The following DNA2 variants were observed in gnomAD, a reference collection of about 807,000 sequenced individuals.
DNA2 encodes DNA replication ATP-dependent helicase/nuclease DNA2.
In DNA2, 101 loss-of-function variants were observed where a neutral mutation model predicts 119.1. The ratio of observed to expected loss-of-function variants is 0.85; its 90% confidence interval spans 0.72 to 1.00. The LOEUF (loss-of-function observed/expected upper bound fraction) is 1.00, where lower values mean the gene tolerates loss of function less well. DNA2 is among the 50% of genes least tolerant of loss of function. The pLI is 0.00. For synonymous variants in DNA2, 366 were observed against 424.4 expected (o/e 0.86, Z 1.69); for missense variants, 1,121 against 1,255.5 (o/e 0.89, Z 1.62).
intron 7 of DNA2, among the ~76,000 whole-genome samples, chr10:68,445,805 A>G (rs1310864985): frequency 6.6e-6 from 1 of 152,172 alleles, no homozygotes; most frequent in Non-Finnish European, 1.5e-5. Flanking sequence ...TTTCAACTAT[A>G]GAGTATATTA....
intron 6 of DNA2, among the ~76,000 whole-genome samples, chr10:68,448,982 T>TGTAGTAGTTTCACCATGTTGC (rs2052082038): frequency 6.9e-6 from 1 of 144,264 alleles, no homozygotes; most frequent in African/African-American, 2.9e-5. Flanking sequence ...TGTGTGTGTG[T>TGTAGTAGTTTCACCATGTTGC]GTGTAGTAGT....
At chr10:68,430,876 G>A (rs141279262) in intron 13 of DNA2, among the ~76,000 whole-genome samples, 38 of 152,268 alleles carry the variant, frequency 2.5e-4, no homozygotes, top group African/African-American at 9.1e-4. Flanking sequence ...GCTCACACTT[G>A]TAATCCCAGC....
At chr10:68,423,282 T>C (rs1009269983) in intron 14 of DNA2, among the ~76,000 whole-genome samples, 4 of 139,180 alleles carry the variant, frequency 2.9e-5, no homozygotes, top group African/African-American at 1.2e-4. Context: ...CTAGGCATTA[T>C]ATATAAAAAA....
intron 5 of DNA2, among the ~76,000 whole-genome samples, chr10:68,453,014 T>C (rs1002223235): frequency 1.3e-5 from 2 of 151,620 alleles, no homozygotes; most frequent in African/African-American, 2.4e-5. Flanking sequence ...AACTCTCCCA[T>C]TTCAGGCTCC....
At chr10:68,447,089 T>A (rs2133406841) in intron 6 of DNA2, among the ~76,000 whole-genome samples, 1 of 152,266 alleles carries the variant, frequency 6.6e-6, no homozygotes. Flanking sequence ...ATTGCATGCC[T>A]ATATTAAAAT....
chr10:68,428,956 G>T lies in DNA2; in HGVS notation c.2208+1480C>A, dbSNP rs146806963. ...CAAGATGTCACCACTGGATAAAGGG[G>T]ACACAGGCTCTCTCTAGTATTTCTT... On this transcript the variant is annotated intron_variant, in intron 14 of 20. Transcript: ENST00000358410. Among the ~76,000 whole-genome samples the T allele has an allele frequency of 1.3e-3, 205 of 152,176 alleles. 3 individuals are homozygous for T. In the East Asian group the frequency reaches 0.032, roughly 24 times the overall value.
chr10:68,414,168 A>G lies in DNA2; in HGVS notation c.*871T>C, dbSNP rs1295843929. On this transcript the variant is annotated 3_prime_UTR_variant, in exon 21 of 21. Transcript: ENST00000358410. ...TTAACATATTTAACACTCATTAAAA[A>G]AAACCCTCAAGAGAAATGGAAGATT... 6.6e-6 allele frequency: 1 copy of G among 151,980 alleles called. No individual in the cohort carries two copies. Among genetic ancestry groups the G allele is most frequent in the African/African-American group, 2.4e-5 (1 of 41,418 alleles). The allele number at this position is 151,980 out of a possible 1,614,324, so 9.4% of individuals were successfully genotyped here.
intron 1 of DNA2, among the ~76,000 whole-genome samples, 152 bp from the exon 2 acceptor site, chr10:68,470,315 AAG>A (rs1416794096): frequency 2.0e-5 from 3 of 152,246 alleles, no homozygotes; most frequent in Non-Finnish European, 2.9e-5. Flanking sequence ...AGGTAAAATT[AAG>A]AGAGCAAAGA....
intron 2 of DNA2, 24 bp from the exon 3 acceptor site, chr10:68,468,330 T>A (rs756880618): frequency 4.1e-6 from 6 of 1,473,586 alleles, no homozygotes; most frequent in Admixed American, 2.2e-5. Context: ...AAAGTTAAAG[T>A]ATAAATACAT....
rs535117955 is a variant in DNA2 at position 68,442,364 on chromosome 10, G to A, written c.1415+553C>T. On this transcript the variant is annotated intron_variant, in intron 9 of 20. Coordinates refer to ENST00000358410, the MANE Select transcript of DNA2 (RefSeq NM_001080449.3). Reference sequence around the variant, plus strand: ...CTCCTGAGTAGCTGGGATTAAAGGCGCCTGCCACCACGCCCGGCTAATTTT... The same window carrying A: ...CTCCTGAGTAGCTGGGATTAAAGGCACCTGCCACCACGCCCGGCTAATTTT... 3.3e-3 allele frequency among the ~76,000 whole-genome samples: 494 copies of A among 150,660 alleles called. 3 individuals carry two copies. Among genetic ancestry groups the A allele is most frequent in the African/African-American group, 0.011 (467 of 40,946 alleles).
chr10:68,446,489 A>C (rs1189968178), intron 6 of DNA2, 76 bp from the exon 7 acceptor site: 1 of 899,848 alleles, frequency 1.1e-6, no homozygotes, highest in Non-Finnish European at 1.7e-6. Context: ...CAACCAACAC[A>C]TAATTTTAAA....
At chr10:68,441,178 A>C (rs867730377) in intron 9 of DNA2, among the ~76,000 whole-genome samples, 1 of 151,334 alleles carries the variant, frequency 6.6e-6, no homozygotes, top group Non-Finnish European at 1.5e-5. Flanking sequence ...AAAAAAAAAA[A>C]AGTTAGCCAA....
At chr10:68,421,098 A>G (rs778883522) in intron 17 of DNA2, among the ~76,000 whole-genome samples, 4 of 151,902 alleles carry the variant, frequency 2.6e-5, no homozygotes, top group Non-Finnish European at 5.9e-5. Context: ...CACCACACCC[A>G]GTTAAGTTTT....
chr10:68,422,392 C>T lies in DNA2; in HGVS notation c.2530G>A (p.Gly844Ser). Residue 844 changes from glycine (G) to serine (S), a missense_variant, in exon 17 of 21, where the codon GGC becomes AGC. By Grantham distance (56) the Gly-to-Ser change is moderately conservative (BLOSUM62 0). Transcript: ENST00000358410. ...TTGTCTGATCCACACTCCAGCTTGCCCTCATAGGTCAGCTTATTACTTAAG... is the reference window on the plus strand; with the variant it reads ...TTGTCTGATCCACACTCCAGCTTGCTCTCATAGGTCAGCTTATTACTTAAG... ...MSLSNKLTYE[G>S]KLECGSDKVA... The T allele has an allele frequency of 1.2e-6, 2 of 1,613,816 alleles. No homozygotes were observed. Among genetic ancestry groups the T allele is most frequent in the Non-Finnish European group, 1.7e-6 (2 of 1,179,850 alleles).
In DNA2 at chr10:68,445,026, G is replaced by A; in HGVS notation, c.1115C>T (p.Ser372Phe). ...AAGCTGTGTCTTCTGTCTAGTAGCA[G>A]ATTTGCTAATACGGTGAAACAATGA... is the stretch of plus-strand genomic sequence containing the variant. Reference protein sequence around the residue: ...AFSLFHRISKSATRQKTQLAS... With the variant: ...AFSLFHRISKFATRQKTQLAS... Residue 372 changes from serine to phenylalanine, a missense_variant, in exon 8 of 21, where the codon TCT becomes TTT. Coordinates refer to ENST00000358410, the MANE Select transcript of DNA2 (RefSeq NM_001080449.3). The A allele has an allele frequency of 6.2e-7, 1 of 1,612,604 alleles. No homozygotes were observed. Among genetic ancestry groups the A allele is most frequent in the South Asian group, 1.1e-5 (1 of 90,906 alleles).
intron 4 of DNA2, 25 bp downstream of exon 4, chr10:68,465,642 T>C: frequency 6.6e-7 from 1 of 1,516,088 alleles, no homozygotes; most frequent in East Asian, 2.3e-5. Flanking sequence ...AAATTATACC[T>C]GCAGTTCTTC....
At chr10:68,472,181 A>T, upstream of DNA2, 4 of 1,282,964 alleles carry the variant, frequency 3.1e-6, no homozygotes, top group Non-Finnish European at 4.0e-6. Context: ...CGTGTCCGAA[A>T]CCTCCCGGGT....
intron 18 of DNA2, 126 bp downstream of exon 18, chr10:68,419,677 A>C (rs2051639524): frequency 6.0e-6 from 4 of 668,248 alleles, no homozygotes; most frequent in African/African-American, 1.8e-5. Context: ...AAATAAAAAC[A>C]ATGGGGCTTC....
chr10:68,442,907 G>A lies in DNA2; in HGVS notation c.1415+10C>T. 1 of 1,602,960 alleles carries A rather than the reference G, an allele frequency of 6.2e-7. No individual in the cohort carries two copies. The highest frequency in any genetic ancestry group is 8.5e-7 in the Non-Finnish European group (1 of 1,175,054). ...TACTGAAATCTTACTGTACTAAATG[G>A]ACCACTTACATTTCCGAAGCAGGCA... is the stretch of plus-strand genomic sequence containing the variant. On this transcript the variant is annotated intron_variant, in intron 9 of 20. Transcript: ENST00000358410.
Sources: gnomAD v4.1 joint callset for allele counts (sites outside exome capture counted in the v4.1 genomes callset) on GRCh38, gnomAD v4.1.1 for gene constraint, MANE v1.5 for transcripts, NCBI Gene and HGNC (gene_info 2026-07-23, HGNC 2026-07-21) for gene names.